The following ZDHHC15 variants were observed in gnomAD, a reference collection of about 807,000 sequenced individuals.
ZDHHC15 encodes the protein palmitoyltransferase ZDHHC15.
A neutral mutation model predicts 31.7 loss-of-function variants in ZDHHC15; 19 were observed. The ratio of observed to expected loss-of-function variants is 0.60; its 90% CI spans 0.42 to 0.88. The LOEUF (loss-of-function observed/expected upper bound fraction) is 0.88. ZDHHC15 is among the 40% of genes least tolerant of loss of function. The probability of loss-of-function intolerance (pLI) is 0.00; values close to 1 mark genes in which losing one functional copy is unlikely to be tolerated. For synonymous variants in ZDHHC15, 103 were observed against 90.0 expected (o/e 1.14, Z -0.82); for missense variants, 209 against 251.2 (o/e 0.83, Z 1.14).
chrX:75,379,063 A>T, intron 11 of ZDHHC15, 57 bp downstream of exon 11: 1 of 985,801 alleles, frequency 1.0e-6, no homozygotes, highest in Non-Finnish European at 1.4e-6. Flanking sequence ...TTCTTCTCCC[A>T]AGCCGCCTTC....
intron 10 of ZDHHC15, among the ~76,000 whole-genome samples, chrX:75,402,381 A>G (rs995146227): frequency 2.7e-5 from 3 of 111,505 alleles, no homozygotes; most frequent in Non-Finnish European, 5.6e-5. Flanking sequence ...AAAATGAGAA[A>G]TAACAAAAAT....
Position 75,371,740 on chromosome X carries a change from G to T in ZDHHC15, c.*1238C>A, listed in dbSNP as rs763452536. On this transcript the variant is annotated 3_prime_UTR_variant, in exon 12 of 12. Transcript: ENST00000373367. The stretch of plus-strand genomic sequence containing the variant: ...TAGACTGCTGGATGAAAAAATGAAA[G>T]ATATCAATACTCTTAAGATATTATT... 6 of 111,417 alleles carry T rather than the reference G, an allele frequency of 5.4e-5. No individual in the cohort carries two copies. The highest frequency in any genetic ancestry group is 1.1e-4 in the Non-Finnish European group (6 of 53,102). The allele number at this position is 111,417 out of a possible 1,213,427, so 9.2% of individuals were successfully genotyped here.
At chrX:75,413,663 T>A in intron 10 of ZDHHC15, among the ~76,000 whole-genome samples, 1 of 99,156 alleles carries the variant, frequency 1.0e-5, no homozygotes, top group Non-Finnish European at 2.0e-5. Context: ...AGACTCCGTC[T>A]CAAGAAAAAA....
intron 10 of ZDHHC15, among the ~76,000 whole-genome samples, chrX:75,413,096 T>C (rs1316334960): frequency 2.7e-5 from 3 of 112,589 alleles, no homozygotes; most frequent in South Asian, 7.4e-4. Flanking sequence ...TGTGAGATGA[T>C]GTATTTGTTA....
intron 3 of ZDHHC15, among the ~76,000 whole-genome samples, chrX:75,463,769 A>G (rs928466780): frequency 1.8e-5 from 2 of 111,811 alleles, no homozygotes; most frequent in Non-Finnish European, 3.8e-5. Context: ...TTAGAATGGC[A>G]ATCATTAAAA....
intron 3 of ZDHHC15, among the ~76,000 whole-genome samples, chrX:75,458,455 T>G (rs1365707218): frequency 9.0e-6 from 1 of 111,581 alleles, no homozygotes; most frequent in African/African-American, 3.2e-5. Flanking sequence ...GGGAGTAGAG[T>G]CTGTATGTTA....
chrX:75,443,310 G>A (rs747206384), intron 4 of ZDHHC15, among the ~76,000 whole-genome samples: 2 of 110,424 alleles, frequency 1.8e-5, no homozygotes, highest in South Asian at 7.8e-4. Flanking sequence ...CAGAAATAAT[G>A]CCACACATCT....
intron 10 of ZDHHC15, among the ~76,000 whole-genome samples, chrX:75,409,513 A>G (rs5981857): frequency 1.3e-5 from 1 of 78,388 alleles, no homozygotes; most frequent in Admixed American, 1.5e-4. Context: ...AAAAAAAAAA[A>G]CACTACAAAG....
intron 4 of ZDHHC15, among the ~76,000 whole-genome samples, chrX:75,444,173 GT>G (rs1455143625): frequency 1.8e-5 from 2 of 110,993 alleles, no homozygotes; most frequent in Non-Finnish European, 3.8e-5. Flanking sequence ...GCACACGTAT[GT>G]TTATTGCGGC....
intron 11 of ZDHHC15, among the ~76,000 whole-genome samples, chrX:75,374,763 C>A (rs192681034): frequency 2.0e-3 from 224 of 109,368 alleles, no homozygotes; most frequent in African/African-American, 7.2e-3. Flanking sequence ...TCCTTACACA[C>A]AGCAACAAAG....
rs921628796 is a variant in ZDHHC15 at position 75,408,332 on chromosome X, A to T, written c.967+8755T>A. ...TCAATAAATTTGATGCATCACATTG[A>T]CAGAACCAAGAAAAAAAGCACATGA... On this transcript the variant is annotated intron_variant, in intron 10 of 11. Coordinates refer to ENST00000373367, the MANE Select transcript of ZDHHC15 (RefSeq NM_144969.3). 5.3e-5 allele frequency among the ~76,000 whole-genome samples: 6 copies of T among 112,428 alleles called. No individual in the cohort carries two copies. In the East Asian group the frequency reaches 1.7e-3, roughly 31 times the overall value.
intron 10 of ZDHHC15, among the ~76,000 whole-genome samples, chrX:75,383,677 G>A (rs2083141076): frequency 9.2e-6 from 1 of 108,380 alleles, no homozygotes; most frequent in South Asian, 4.0e-4. Context: ...GTTTTGTTAG[G>A]CAGCTTTCCA....
chrX:75,415,680 G>A (rs2083541362), intron 10 of ZDHHC15, among the ~76,000 whole-genome samples: 1 of 112,294 alleles, frequency 8.9e-6, no homozygotes, highest in Non-Finnish European at 1.9e-5. Context: ...TGAAAGTTGT[G>A]AGGGTCAAAG....
At chrX:75,394,565 T>C (rs557541932) in intron 10 of ZDHHC15, among the ~76,000 whole-genome samples, 1 of 111,570 alleles carries the variant, frequency 9.0e-6, no homozygotes, top group Middle Eastern at 4.7e-3. Flanking sequence ...ACAGAGCATG[T>C]GTAGCTACAA....
At chrX:75,482,752 T>C (rs2084710778) in intron 2 of ZDHHC15, among the ~76,000 whole-genome samples, 2 of 110,994 alleles carry the variant, frequency 1.8e-5, no homozygotes, top group Admixed American at 1.9e-4. Flanking sequence ...TATAAACTTC[T>C]TATGTTTATA....
At chrX:75,407,143 C>G (rs1449775487) in intron 10 of ZDHHC15, among the ~76,000 whole-genome samples, 1 of 110,523 alleles carries the variant, frequency 9.0e-6, no homozygotes, top group Non-Finnish European at 1.9e-5. Context: ...CCCGGCTGCC[C>G]ATCGTCTGAG....
intron 10 of ZDHHC15, among the ~76,000 whole-genome samples, chrX:75,379,669 GT>G (rs2083094901): frequency 8.9e-6 from 1 of 112,301 alleles, no homozygotes; most frequent in African/African-American, 3.2e-5. Context: ...TGGTACAAAT[GT>G]TTTTGTTTCT....
At chrX:75,514,339 T>C (rs764040681) in intron 1 of ZDHHC15, among the ~76,000 whole-genome samples, 67 of 112,314 alleles carry the variant, frequency 6.0e-4, no homozygotes, top group Non-Finnish European at 1.2e-3. Flanking sequence ...ATGTAATTTG[T>C]GATAATAGCA....
intron 4 of ZDHHC15, among the ~76,000 whole-genome samples, chrX:75,444,178 T>C (rs2083989870): frequency 9.0e-6 from 1 of 110,965 alleles, no homozygotes; most frequent in Non-Finnish European, 1.9e-5. Context: ...CGTATGTTTA[T>C]TGCGGCACTA....
Sources: gnomAD v4.1 joint callset for allele counts (sites outside exome capture counted in the v4.1 genomes callset) on GRCh38, gnomAD v4.1.1 for gene constraint, MANE v1.5 for transcripts, NCBI Gene and HGNC (gene_info 2026-07-23, HGNC 2026-07-21) for gene names.